EYS: variants seen among roughly 807,000 people sequenced by gnomAD.
EYS encodes the protein protein eyes shut homolog.
EYS carries 250 observed loss-of-function variants against 282.1 expected under a neutral mutation model. The ratio of observed to expected loss-of-function variants is 0.89; its 90% CI spans 0.80 to 0.98. EYS has a LOEUF of 0.98. Ranked by LOEUF, EYS falls within the 50% of genes least tolerant of loss-of-function variation. EYS has a pLI of 0.00. For missense variants in EYS, 4,016 were observed against 3,709.0 expected, an observed-to-expected ratio of 1.08 and a Z score of -2.15; for synonymous variants, 1,355 against 1,282.9, an observed-to-expected ratio of 1.06 and a Z score of -1.20.
intron 30 of EYS, among the ~76,000 whole-genome samples, chr6:64,282,942 A>G (rs568882976): frequency 1.3e-5 from 2 of 152,298 alleles, no homozygotes; most frequent in African/African-American, 4.8e-5. Context: ...CATATATTTA[A>G]CATATATATT....
chr6:64,967,528 G>A (rs1770140691), intron 14 of EYS, among the ~76,000 whole-genome samples: 1 of 152,030 alleles, frequency 6.6e-6, no homozygotes. Context: ...ATGTTGGTCA[G>A]GCTGGTCTCG....
At chr6:63,734,017 CACAGAA>C (rs1230492705) in intron 41 of EYS, among the ~76,000 whole-genome samples, 4 of 152,094 alleles carry the variant, frequency 2.6e-5, no homozygotes, top group Non-Finnish European at 4.4e-5. Context: ...AGCAAATTAA[CACAGAA>C]ACAGAAAACC....
intron 19 of EYS, among the ~76,000 whole-genome samples, chr6:64,834,578 C>A (rs1181625908): frequency 6.6e-6 from 1 of 151,738 alleles, no homozygotes; most frequent in Non-Finnish European, 1.5e-5. Context: ...AAGAAAACAT[C>A]TTATTGGAGG....
Position 64,528,545 on chromosome 6 carries a change from C to G in EYS, c.5644+61678G>C, listed in dbSNP as rs148686741. Reference sequence around the variant, plus strand: ...TCCTGGAATGTGTTTTGCTTTGAATCTTTTATCTTAATTTATGTCAAACAT... The same window carrying G: ...TCCTGGAATGTGTTTTGCTTTGAATGTTTTATCTTAATTTATGTCAAACAT... On this transcript the variant is annotated intron_variant, in intron 26 of 42. Coordinates refer to ENST00000503581, the MANE Select transcript of EYS (RefSeq NM_001142800.2). 4.7e-3 allele frequency among the ~76,000 whole-genome samples: 711 copies of G among 152,032 alleles called. 6 individuals carry two copies. The highest frequency in any genetic ancestry group is 7.1e-3 in the Non-Finnish European group (484 of 67,858).
At chr6:63,881,297 C>T (rs571592159) in intron 35 of EYS, among the ~76,000 whole-genome samples, 9 of 152,304 alleles carry the variant, frequency 5.9e-5, no homozygotes, top group Admixed American at 5.9e-4. Context: ...AAATCCAAAA[C>T]TGCTAGGCTC....
chr6:65,211,101 T>G (rs1766166265), intron 12 of EYS, among the ~76,000 whole-genome samples: 1 of 151,980 alleles, frequency 6.6e-6, no homozygotes, highest in African/African-American at 2.4e-5. Flanking sequence ...CGATATTAAA[T>G]CCTGAATTAA....
chr6:64,440,840 G>T (rs1354766946), intron 26 of EYS, among the ~76,000 whole-genome samples: 1 of 151,666 alleles, frequency 6.6e-6, no homozygotes, highest in Non-Finnish European at 1.5e-5. Context: ...ACATACAGGG[G>T]GTCTTCAAAA....
At chr6:63,863,517 T>G (rs1772587292) in intron 36 of EYS, among the ~76,000 whole-genome samples, 1 of 152,160 alleles carries the variant, frequency 6.6e-6, no homozygotes, top group African/African-American at 2.4e-5. Flanking sequence ...TGACATGAAA[T>G]AATTTGATTT....
At chr6:64,287,691 T>C (rs1768551373) in intron 30 of EYS, among the ~76,000 whole-genome samples, 1 of 152,138 alleles carries the variant, frequency 6.6e-6, no homozygotes, top group East Asian at 1.9e-4. Context: ...AGAGTTCATG[T>C]TGTGACACCA....
At chr6:64,066,592 G>A (rs1771380779) in intron 32 of EYS, 101 bp from the exon 33 acceptor site, 1 of 816,196 alleles carries the variant, frequency 1.2e-6, no homozygotes, top group Non-Finnish European at 1.9e-6. Context: ...TAATGATTTA[G>A]GGGGTTGGTA....
At chr6:63,831,161 A>G (rs1771625499) in intron 36 of EYS, among the ~76,000 whole-genome samples, 1 of 152,228 alleles carries the variant, frequency 6.6e-6, no homozygotes, top group Admixed American at 6.5e-5. Context: ...GCATTAACTA[A>G]TGGGCAAAAT....
chr6:65,016,835 T>C (rs1315075789), intron 13 of EYS, among the ~76,000 whole-genome samples: 1 of 152,188 alleles, frequency 6.6e-6, no homozygotes, highest in Non-Finnish European at 1.5e-5. Flanking sequence ...ATTCATATAC[T>C]AAAGTTCTAT....
intron 22 of EYS, among the ~76,000 whole-genome samples, chr6:64,636,343 C>T (rs558725667): frequency 3.3e-5 from 5 of 152,190 alleles, no homozygotes; most frequent in African/African-American, 7.2e-5. Context: ...ATGAGGAAAG[C>T]GTTCCCTATT....
At chr6:64,833,408 T>A (rs1765282463) in intron 19 of EYS, among the ~76,000 whole-genome samples, 1 of 151,820 alleles carries the variant, frequency 6.6e-6, no homozygotes, top group African/African-American at 2.4e-5. Flanking sequence ...GCATGACTAG[T>A]GTAAAAATAT....
intron 30 of EYS, among the ~76,000 whole-genome samples, chr6:64,234,066 G>A (rs1185223608): frequency 3.9e-5 from 6 of 152,136 alleles, no homozygotes; most frequent in Non-Finnish European, 8.8e-5. Context: ...ACAGAAGTAG[G>A]ATCATTTTTA....
rs1562127766 is a variant in EYS, at chr6:65,369,317, TA to T, written c.1299+15068del. Among the ~76,000 whole-genome samples the T allele has an allele frequency of 1.2e-4, 4 of 33,322 alleles. No homozygotes were observed. In the East Asian group the frequency reaches 2.0e-3, roughly 16 times the overall value. 21.9% of individuals were successfully genotyped at this position (33,322 alleles called of 152,430 possible). On this transcript the variant is annotated intron_variant, in intron 8 of 42. Transcript: ENST00000503581. Reference sequence around the variant, plus strand: ...ATATATTTATGTATAATATATATATTATATATATATATTTATATATATATAT... The same window carrying T: ...ATATATTTATGTATAATATATATATTTATATATATATTTATATATATATAT...
At chr6:64,135,385 A>T (rs538882599) in intron 31 of EYS, among the ~76,000 whole-genome samples, 2 of 152,218 alleles carry the variant, frequency 1.3e-5, no homozygotes, top group African/African-American at 4.8e-5. Context: ...TATGATCAAA[A>T]TTTTATTTAG....
At chr6:65,627,143 T>C (rs1428919907) in intron 2 of EYS, among the ~76,000 whole-genome samples, 1 of 152,180 alleles carries the variant, frequency 6.6e-6, no homozygotes, top group Non-Finnish European at 1.5e-5. Flanking sequence ...CAGTATTTAC[T>C]TTAAGTCTGG....
chr6:64,025,197 GGGAAAGGGCTCTCTA>G (rs772603253), intron 33 of EYS, among the ~76,000 whole-genome samples: 2 of 73,794 alleles, frequency 2.7e-5, no homozygotes, highest in South Asian at 4.1e-4. Context: ...CAGGCTTTCT[GGGAAAGGGCTCTCTA>G]ACAACCCCCA....
Sources: gnomAD v4.1 joint callset for allele counts (sites outside exome capture counted in the v4.1 genomes callset) on GRCh38, gnomAD v4.1.1 for gene constraint, MANE v1.5 for transcripts, NCBI Gene and HGNC (gene_info 2026-07-23, HGNC 2026-07-21) for gene names.